The following RYR3 variants were observed in gnomAD, a reference collection of about 807,000 sequenced individuals.
RYR3 encodes ryanodine receptor 3.
Under a neutral mutation model 584.3 loss-of-function variants are expected in RYR3, and 207 were observed. The observed-to-expected ratio is 0.35, with a 90% CI of 0.32 to 0.40. The LOEUF (loss-of-function observed/expected upper bound fraction) is 0.40, where lower values mean the gene tolerates loss of function less well. RYR3 is among the 10% of genes least tolerant of loss of function. The pLI is 1.00. For missense variants in RYR3, 5,616 were observed against 6,089.2 expected (o/e 0.92, Z 2.59); for synonymous variants, 2,416 against 2,248.5 (o/e 1.07, Z -2.11).
intron 1 of RYR3, among the ~76,000 whole-genome samples, chr15:33,353,952 C>T (rs926582585): frequency 1.3e-5 from 2 of 152,134 alleles, no homozygotes; most frequent in Non-Finnish European, 2.9e-5. Flanking sequence ...TGACTCCAGC[C>T]TTTTGAAAGA....
intron 1 of RYR3, among the ~76,000 whole-genome samples, chr15:33,439,005 AGTATTAGT>A (rs1229310264): frequency 6.6e-6 from 1 of 152,220 alleles, no homozygotes. Flanking sequence ...AGAGTCGAGC[AGTATTAGT>A]AACTTGAAGT....
intron 1 of RYR3, among the ~76,000 whole-genome samples, chr15:33,369,132 G>T (rs1358183752): frequency 1.3e-5 from 2 of 151,182 alleles, no homozygotes; most frequent in Admixed American, 6.6e-5. Context: ...TCCCCAGTTT[G>T]CAGAGAAGGA....
chr15:33,388,339 A>T (rs548196478), intron 1 of RYR3, among the ~76,000 whole-genome samples: 15 of 152,350 alleles, frequency 9.8e-5, no homozygotes, highest in Middle Eastern at 3.4e-3. Flanking sequence ...AGTAAAAGGG[A>T]AGATGGTATA....
Position 33,603,419 on chromosome 15 carries a change from C to T in RYR3, c.2164+55C>T, listed in dbSNP as rs535464879. On this transcript the variant is annotated intron_variant, in intron 18 of 103. Coordinates refer to ENST00000634891, the MANE Select transcript of RYR3 (RefSeq NM_001036.6). ...AATCTCACTGGAAATGATGGAGGCT[C>T]AAATTATTCAAGCTGAAATGACCAC... 128 of 1,492,064 alleles carry T rather than the reference C, an allele frequency of 8.6e-5. No homozygotes were observed. The South Asian group carries it at 1.5e-3, about 18-fold the overall frequency. 92.4% of individuals were successfully genotyped at this position (1,492,064 alleles called of 1,614,324 possible).
At chr15:33,395,631 C>G (rs2596190) in intron 1 of RYR3, among the ~76,000 whole-genome samples, 13,743 of 152,176 alleles carry the variant, frequency 0.09, 2,078 homozygotes, top group African/African-American at 0.31. Context: ...GTAAGTCCTT[C>G]CACTGTGCCT....
At chr15:33,550,089 A>G in intron 9 of RYR3, 71 bp from the exon 10 acceptor site, 1 of 1,472,354 alleles carries the variant, frequency 6.8e-7, no homozygotes, top group Non-Finnish European at 9.2e-7. Flanking sequence ...TGTGTAAGAA[A>G]GCATAGGATA....
chr15:33,627,125 A>AAT (rs2061032461), intron 20 of RYR3, among the ~76,000 whole-genome samples: 1 of 152,152 alleles, frequency 6.6e-6, no homozygotes, highest in African/African-American at 2.4e-5. Context: ...GTCCTCCTGA[A>AAT]ATGGATGGTT....
At chr15:33,496,428 T>C (rs2572162) in intron 2 of RYR3, among the ~76,000 whole-genome samples, 89,537 of 151,894 alleles carry the variant, frequency 0.59, 26,483 homozygotes, top group Middle Eastern at 0.68. Flanking sequence ...AAGGGGGAAA[T>C]TGAAGGCCTG....
rs559935977 is a variant in RYR3, at chr15:33,430,925, A to G, written c.52-42494A>G. On this transcript the variant is annotated intron_variant, in intron 1 of 103. Coordinates refer to ENST00000634891, the MANE Select transcript of RYR3 (RefSeq NM_001036.6). Reference sequence around the variant, plus strand: ...ACTCTCCAACTGCCGGCAGCCTCAGAAGAGAGTGTACATTGCTTTCTTACC... The same window carrying G: ...ACTCTCCAACTGCCGGCAGCCTCAGGAGAGAGTGTACATTGCTTTCTTACC... Among the ~76,000 whole-genome samples, 22 of 152,260 alleles carry G rather than the reference A, an allele frequency of 1.4e-4. 1 individual carries two copies. The highest frequency in any genetic ancestry group is 6.2e-4 in the South Asian group (3 of 4,824).
At position 33,747,678 on chromosome 15, in the gene RYR3, G is replaced by A. The variant is rs528210937; in HGVS notation, c.7990-436G>A. Among the ~76,000 whole-genome samples, 7 of 152,138 alleles carry A rather than the reference G, an allele frequency of 4.6e-5. No homozygotes were observed. In the East Asian group the frequency reaches 1.4e-3, roughly 29 times the overall value. On this transcript the variant is annotated intron_variant, in intron 53 of 103. Transcript: ENST00000634891. ...GACCTCAGGTGATCCACCCGCCTCG[G>A]CCTCCCAAAGTGCTGGGATTACAGG...
intron 1 of RYR3, among the ~76,000 whole-genome samples, chr15:33,472,270 G>A (rs2048994430): frequency 6.6e-6 from 1 of 152,190 alleles, no homozygotes; most frequent in African/African-American, 2.4e-5. Context: ...GTAGGGGTCT[G>A]TTAATCGTGA....
intron 69 of RYR3, among the ~76,000 whole-genome samples, chr15:33,803,186 T>G (rs951982750): frequency 6.6e-6 from 1 of 152,266 alleles, no homozygotes; most frequent in Admixed American, 6.5e-5. Context: ...AAGTATACAC[T>G]TTTAGTATGC....
intron 32 of RYR3, among the ~76,000 whole-genome samples, chr15:33,656,718 T>G (rs2062840692): frequency 6.6e-6 from 1 of 152,162 alleles, no homozygotes; most frequent in South Asian, 2.1e-4. Flanking sequence ...GGTCGTAGAT[T>G]CTGAGGCCCC....
intron 15 of RYR3, among the ~76,000 whole-genome samples, chr15:33,584,752 A>T (rs1379512675): frequency 6.6e-6 from 1 of 151,724 alleles, no homozygotes; most frequent in East Asian, 1.9e-4. Flanking sequence ...TTCATTTTTA[A>T]TCCTCGGGTC....
At chr15:33,377,788 A>C (rs2040859731) in intron 1 of RYR3, among the ~76,000 whole-genome samples, 1 of 152,030 alleles carries the variant, frequency 6.6e-6, no homozygotes, top group African/African-American at 2.4e-5. Context: ...TAAGTTCTAG[A>C]AATCTTTTTT....
intron 16 of RYR3, among the ~76,000 whole-genome samples, chr15:33,598,583 A>G (rs1275763309): frequency 2.6e-5 from 4 of 151,766 alleles, no homozygotes; most frequent in African/African-American, 9.7e-5. Context: ...TTTCTTACCT[A>G]GTGATGGGTC....
At chr15:33,758,304 C>A (rs1043623875) in intron 60 of RYR3, among the ~76,000 whole-genome samples, 9 of 152,262 alleles carry the variant, frequency 5.9e-5, no homozygotes, top group African/African-American at 2.2e-4. Context: ...CTGTTCACAC[C>A]CCTGGAAAGG....
chr15:33,732,250 T>C (rs1180832974), intron 48 of RYR3, among the ~76,000 whole-genome samples: 1 of 149,296 alleles, frequency 6.7e-6, no homozygotes, highest in African/African-American at 2.5e-5. Context: ...TAGCCGGGTA[T>C]GGTGGCAGAC....
chr15:33,844,354 G>A (rs1380833304), intron 92 of RYR3, among the ~76,000 whole-genome samples: 2 of 152,212 alleles, frequency 1.3e-5, no homozygotes. Context: ...CAAGCAGTTG[G>A]AGCTACAGGA....
Sources: gnomAD v4.1 joint callset for allele counts (sites outside exome capture counted in the v4.1 genomes callset) on GRCh38, gnomAD v4.1.1 for gene constraint, MANE v1.5 for transcripts, NCBI Gene and HGNC (gene_info 2026-07-23, HGNC 2026-07-21) for gene names.